Variants in DGKB observed in about 807,000 individuals in gnomAD.
DGKB encodes diacylglycerol kinase beta, also known as 90 kDa diacylglycerol kinase.
DGKB carries 67 observed loss-of-function variants against 114.3 expected under a neutral mutation model. That is an observed-to-expected ratio of 0.59 (90% CI 0.48 to 0.72). DGKB has a LOEUF of 0.72. Ranked by LOEUF, DGKB falls within the 30% of genes least tolerant of loss-of-function variation. The pLI, the probability that DGKB is intolerant of heterozygous loss-of-function variation, is 0.00. For missense variants in DGKB, 907 were observed against 975.2 expected (o/e 0.93, Z 0.93); for synonymous variants, 398 against 323.1 (o/e 1.23, Z -2.49).
intron 5 of DGKB, among the ~76,000 whole-genome samples, chr7:14,733,988 T>C (rs1831316369): frequency 6.6e-6 from 1 of 151,820 alleles, no homozygotes; most frequent in East Asian, 1.9e-4. Context: ...TTTATCAGAA[T>C]GTCCATTATT....
At chr7:14,269,261 A>G (rs1797944901) in intron 23 of DGKB, 1 of 152,266 alleles carries the variant, frequency 6.6e-6, no homozygotes, top group South Asian at 2.1e-4. Context: ...CTGCAATCAC[A>G]CACTAACACT....
intron 1 of DGKB, among the ~76,000 whole-genome samples, chr7:14,966,423 A>T (rs1055847774): frequency 6.6e-6 from 1 of 150,888 alleles, no homozygotes. Context: ...GGAAGTTTCA[A>T]GGGAATACAC....
chr7:14,656,150 G>A (rs1815740437), intron 13 of DGKB, among the ~76,000 whole-genome samples: 1 of 151,512 alleles, frequency 6.6e-6, no homozygotes, highest in Admixed American at 6.6e-5. Flanking sequence ...CTATAAATAT[G>A]TAAAATTATT....
intron 1 of DGKB, among the ~76,000 whole-genome samples, chr7:14,876,736 A>G (rs1412719187): frequency 6.6e-6 from 1 of 152,220 alleles, no homozygotes; most frequent in East Asian, 1.9e-4. Flanking sequence ...CATATTGTCA[A>G]TCAATGACAT....
At chr7:14,752,888 A>T (rs931895644) in intron 4 of DGKB, among the ~76,000 whole-genome samples, 4 of 152,124 alleles carry the variant, frequency 2.6e-5, no homozygotes, top group African/African-American at 9.7e-5. Flanking sequence ...ACTCCAAGGG[A>T]TTGCCTCTTA....
At chr7:14,877,846 T>A (rs1853547640) in intron 1 of DGKB, among the ~76,000 whole-genome samples, 1 of 152,188 alleles carries the variant, frequency 6.6e-6, no homozygotes, top group Non-Finnish European at 1.5e-5. Flanking sequence ...ACTGACTTGC[T>A]ATTAGGAAAA....
At position 14,521,100 on chromosome 7, in the gene DGKB, A is replaced by T. The variant is rs1789695420; in HGVS notation, c.1771-42875T>A. Among the ~76,000 whole-genome samples, 5 of 152,010 alleles carry T rather than the reference A, an allele frequency of 3.3e-5. No individual in the cohort carries two copies. In the South Asian group the frequency reaches 1.0e-3, roughly 32 times the overall value. Reference sequence around the variant, plus strand: ...TGTATTGTCCTTTACCTGTATGTAAAGAGTTATTTTTATGTTGCTGCCTTC... The same window carrying T: ...TGTATTGTCCTTTACCTGTATGTAATGAGTTATTTTTATGTTGCTGCCTTC... On this transcript the variant is annotated intron_variant, in intron 20 of 25. Coordinates refer to ENST00000402815, the MANE Select transcript of DGKB (RefSeq NM_001350709.2).
At chr7:14,391,785 T>C (rs1821361695) in intron 21 of DGKB, among the ~76,000 whole-genome samples, 2 of 152,246 alleles carry the variant, frequency 1.3e-5, no homozygotes, top group Admixed American at 1.3e-4. Flanking sequence ...AATTCTTCAG[T>C]AGTGTTCACA....
At chr7:14,265,680 A>G (rs1354464994) in intron 23 of DGKB, among the ~76,000 whole-genome samples, 2 of 151,996 alleles carry the variant, frequency 1.3e-5, no homozygotes, top group Non-Finnish European at 2.9e-5. Flanking sequence ...TTTCCCTTAG[A>G]TTCTCAGAAT....
intron 1 of DGKB, among the ~76,000 whole-genome samples, chr7:14,959,763 A>AT (rs200856627): frequency 8.0e-5 from 12 of 150,112 alleles, no homozygotes; most frequent in Non-Finnish European, 1.8e-4. Context: ...TACCACTGAG[A>AT]TTAAAAAAAA....
intron 21 of DGKB, among the ~76,000 whole-genome samples, chr7:14,430,678 T>G (rs543101692): frequency 6.6e-6 from 1 of 152,280 alleles, no homozygotes; most frequent in African/African-American, 2.4e-5. Flanking sequence ...GATTTATTAG[T>G]TGAATATTTG....
At chr7:14,607,882 T>C (rs527338636) in intron 16 of DGKB, among the ~76,000 whole-genome samples, 1 of 152,136 alleles carries the variant, frequency 6.6e-6, no homozygotes, top group East Asian at 1.9e-4. Context: ...AAATATCTTC[T>C]CTCAGTAAAT....
intron 1 of DGKB, among the ~76,000 whole-genome samples, chr7:14,966,529 C>T (rs1936862254): frequency 6.6e-6 from 1 of 152,122 alleles, no homozygotes; most frequent in South Asian, 2.1e-4. Context: ...GTCTCGAACT[C>T]CTGGCCTCAA....
intron 23 of DGKB, among the ~76,000 whole-genome samples, chr7:14,180,009 G>C (rs1473739065): frequency 6.6e-6 from 1 of 152,140 alleles, no homozygotes; most frequent in Non-Finnish European, 1.5e-5. Context: ...TGGCTCTATA[G>C]CCTGGGTGTT....
intron 25 of DGKB, among the ~76,000 whole-genome samples, chr7:14,151,459 A>C (rs1782190335): frequency 6.9e-6 from 1 of 144,754 alleles, no homozygotes; most frequent in African/African-American, 2.8e-5. Flanking sequence ...CTTATATTAA[A>C]AACTTTTTAA....
intron 20 of DGKB, among the ~76,000 whole-genome samples, chr7:14,550,198 C>A (rs984248272): frequency 6.6e-6 from 1 of 151,984 alleles, no homozygotes; most frequent in Non-Finnish European, 1.5e-5. Flanking sequence ...ATTCAATTTG[C>A]TGCTTAACAT....
chr7:14,861,916 G>C (rs1388907078), intron 1 of DGKB, among the ~76,000 whole-genome samples: 7 of 151,916 alleles, frequency 4.6e-5, no homozygotes, highest in Admixed American at 4.6e-4. Flanking sequence ...AATGCTGTTA[G>C]GAATATTCTT....
intron 21 of DGKB, among the ~76,000 whole-genome samples, chr7:14,385,140 A>G (rs1820113274): frequency 1.3e-5 from 2 of 152,152 alleles, no homozygotes; most frequent in Non-Finnish European, 2.9e-5. Flanking sequence ...AAAGTTTTCC[A>G]TTAATCACCT....
At chr7:14,722,811 A>AAAAT (rs920885814) in intron 5 of DGKB, among the ~76,000 whole-genome samples, 21 of 151,906 alleles carry the variant, frequency 1.4e-4, no homozygotes, top group Admixed American at 2.0e-4. Flanking sequence ...AACTGTCTCA[A>AAAAT]AAATAAATAA....
Sources: allele counts gnomAD v4.1 joint callset (sites outside exome capture counted in the v4.1 genomes callset), GRCh38; gene constraint gnomAD v4.1.1; transcripts MANE v1.5; gene names NCBI Gene and HGNC (gene_info 2026-07-23, HGNC 2026-07-21).